The following TTBK2 variants were observed in gnomAD, a reference collection of about 807,000 sequenced individuals.
TTBK2 encodes the protein tau tubulin kinase 2.
Under a neutral mutation model 110.8 loss-of-function variants are expected in TTBK2, and 28 were observed. The ratio of observed to expected loss-of-function variants is 0.25; its 90% CI spans 0.19 to 0.35. The LOEUF (loss-of-function observed/expected upper bound fraction) is 0.35, where lower values mean the gene tolerates loss of function less well. TTBK2 is among the 10% of genes least tolerant of loss of function. The pLI is 1.00. For synonymous variants in TTBK2, 532 were observed against 527.3 expected (o/e 1.01, Z -0.12); for missense variants, 1,369 against 1,500.3 (o/e 0.91, Z 1.45).
chr15:42,834,634 C>A lies in TTBK2; in HGVS notation c.292-4556G>T, dbSNP rs144497479. Among the ~76,000 whole-genome samples, 180 of 152,238 alleles carry A rather than the reference C, an allele frequency of 1.2e-3. 1 individual carries two copies. Among genetic ancestry groups the A allele is most frequent in the African/African-American group, 4.2e-3 (176 of 41,550 alleles). ...TGAGACAATTTGAATATTAAAAAAA[C>A]CGTAGGCCAGGTACCTGTAATCCTA... On this transcript the variant is annotated intron_variant, in intron 4 of 14. Coordinates refer to ENST00000267890, the MANE Select transcript of TTBK2 (RefSeq NM_173500.4).
At chr15:42,811,641 A>G in intron 8 of TTBK2, 47 bp downstream of exon 8, 7 of 1,522,236 alleles carry the variant, frequency 4.6e-6, no homozygotes, top group Non-Finnish European at 6.4e-6. Flanking sequence ...TTCAGCAGAA[A>G]TTTTTATTTC....
chr15:42,868,121 G>A (rs943328759), intron 3 of TTBK2, among the ~76,000 whole-genome samples: 1 of 152,136 alleles, frequency 6.6e-6, no homozygotes, highest in African/African-American at 2.4e-5. Flanking sequence ...GAGTTTAGGA[G>A]GCAGGGAAAC....
At chr15:42,837,303 AGCTGAGATCACGCCACT>A (rs1239303759) in intron 4 of TTBK2, among the ~76,000 whole-genome samples, 2 of 149,612 alleles carry the variant, frequency 1.3e-5, no homozygotes, top group Non-Finnish European at 3.0e-5. Context: ...GGTTGCAGTG[AGCTGAGATCACGCCACT>A]GCACTCCAGC....
intron 3 of TTBK2, among the ~76,000 whole-genome samples, chr15:42,843,615 C>T (rs987678784): frequency 2.6e-5 from 4 of 151,816 alleles, no homozygotes; most frequent in Admixed American, 6.6e-5. Context: ...AAAAATCAGC[C>T]GGGCATGGTA....
rs1316658591 is a variant in TTBK2 at position 42,742,922 on chromosome 15, C to G, written c.*2873G>C. On this transcript the variant is annotated 3_prime_UTR_variant, in exon 15 of 15. Coordinates refer to ENST00000267890, the MANE Select transcript of TTBK2 (RefSeq NM_173500.4). ...CAACCAAACCAAATCAAACCAAAAA[C>G]CTCATTCTCTGTATCATACTTTAAA... 1 of 151,970 alleles carries G rather than the reference C, an allele frequency of 6.6e-6. No homozygotes were observed. Among genetic ancestry groups the G allele is most frequent in the Non-Finnish European group, 1.5e-5 (1 of 67,998 alleles). The allele number at this position is 151,970 out of a possible 1,614,324, so 9.4% of individuals were successfully genotyped here. A position where few individuals can be genotyped will look rare whatever the true frequency, so the allele number is the denominator to read the frequency against.
intron 1 of TTBK2, among the ~76,000 whole-genome samples, chr15:42,901,474 G>A (rs1452758366): frequency 6.6e-6 from 1 of 151,750 alleles, no homozygotes; most frequent in African/African-American, 2.4e-5. Flanking sequence ...AAATAAATTT[G>A]GACTTCATCA....
At position 42,860,640 on chromosome 15, in the gene TTBK2, CTTTTTTT is replaced by C. The variant is rs796405914; in HGVS notation, c.217+11964_217+11970del. On this transcript the variant is annotated intron_variant, in intron 3 of 14. Coordinates refer to ENST00000267890, the MANE Select transcript of TTBK2 (RefSeq NM_173500.4). ...TTAAACCTTAGCTGGGGTATTCTTT[CTTTTTTT>C]TTTTTTTTTTTTTTGAGATGGCATT... Among the ~76,000 whole-genome samples, 5 of 102,110 alleles carry C rather than the reference CTTTTTTT, an allele frequency of 4.9e-5. No individual in the cohort carries two copies. The East Asian group carries it at 1.2e-3, about 24-fold the overall frequency. The allele number at this position is 102,110 out of a possible 152,430, so 67.0% of individuals were successfully genotyped here. A position where few individuals can be genotyped will look rare whatever the true frequency, so the allele number is the denominator to read the frequency against.
chr15:42,852,436 G>A (rs1893757042), intron 3 of TTBK2, among the ~76,000 whole-genome samples: 1 of 152,242 alleles, frequency 6.6e-6, no homozygotes, highest in Admixed American at 6.5e-5. Context: ...AATACAATGG[G>A]TATAAAGGGA....
At chr15:42,876,248 AT>A (rs971011292) in intron 2 of TTBK2, among the ~76,000 whole-genome samples, 146 of 149,800 alleles carry the variant, frequency 9.7e-4, no homozygotes, top group African/African-American at 2.7e-3. Flanking sequence ...TGAGCTTGTC[AT>A]TTTTTTTTTA....
chr15:42,901,433 T>C (rs2030002431), intron 1 of TTBK2, among the ~76,000 whole-genome samples: 1 of 151,912 alleles, frequency 6.6e-6, no homozygotes, highest in Non-Finnish European at 1.5e-5. Context: ...AATAATTTCT[T>C]GGATATAATA....
rs1727419595 is a variant in TTBK2, at chr15:42,740,363, T to C, written c.*5432A>G. 6.6e-6 allele frequency: 1 copy of C among 152,242 alleles called. No individual in the cohort carries two copies. Among genetic ancestry groups the C allele is most frequent in the Admixed American group, 6.5e-5 (1 of 15,286 alleles). 9.4% of individuals were successfully genotyped at this position (152,242 alleles called of 1,614,324 possible). On this transcript the variant is annotated 3_prime_UTR_variant, in exon 15 of 15. Coordinates refer to ENST00000267890, the MANE Select transcript of TTBK2 (RefSeq NM_173500.4). ...TTACTGTGTAATGTTACTTTTTTGC[T>C]ATTCAGTGTCTTGAGATTGTGTGGA...
At chr15:42,751,859 GA>G (rs2061869883) in intron 14 of TTBK2, 114 bp downstream of exon 14, 2 of 1,325,340 alleles carry the variant, frequency 1.5e-6, no homozygotes, top group African/African-American at 2.9e-5. Flanking sequence ...GGAAAGGCAG[GA>G]AAGAAAGATA....
At chr15:42,840,519 A>G in intron 3 of TTBK2, 86 bp from the exon 4 acceptor site, 1 of 1,165,458 alleles carries the variant, frequency 8.6e-7, no homozygotes, top group East Asian at 2.4e-5. Context: ...ATAGTGTTTT[A>G]TGATTGAATA....
chr15:42,789,402 C>T (rs34015644), intron 10 of TTBK2, among the ~76,000 whole-genome samples: 2,242 of 152,104 alleles, frequency 0.015, 39 homozygotes, highest in Non-Finnish European at 0.021. Flanking sequence ...TTTAGTTCCA[C>T]CTATGCTGTG....
chr15:42,884,901 C>T (rs1895183846), intron 1 of TTBK2, among the ~76,000 whole-genome samples: 1 of 151,730 alleles, frequency 6.6e-6, no homozygotes, highest in Admixed American at 6.6e-5. Context: ...TGATTTGTTT[C>T]CCCCCACCCT....
intron 1 of TTBK2, among the ~76,000 whole-genome samples, chr15:42,902,105 A>G (rs957763223): frequency 6.6e-6 from 1 of 151,770 alleles, no homozygotes; most frequent in African/African-American, 2.4e-5. Context: ...AGTCCCAGCT[A>G]CTAGGGAGGC....
rs1456544210 is a variant in TTBK2, at chr15:42,775,190, A to G, written c.1943T>C (p.Ile648Thr). ...CATTAGACTTGTGGGCGTCGCTGCA[A>G]TAAACTGACTAGCAGCTCCAGGCTG... ...ELQPGAASQFIAATPTSLMEA... is the reference protein window; with the variant it reads ...ELQPGAASQFTAATPTSLMEA... The change falls in exon 13 of 15, where the codon ATT (isoleucine) becomes ACT (threonine). Residue 648 changes from isoleucine to threonine, a missense_variant. This residue lies in a region of TTBK2 where 1,097 missense variants were observed against 1,114.7 expected (regional missense o/e 0.98). Coordinates refer to ENST00000267890, the MANE Select transcript of TTBK2 (RefSeq NM_173500.4). 6.2e-7 allele frequency: 1 copy of G among 1,614,214 alleles called. No homozygotes were observed. The highest frequency in any genetic ancestry group is 1.7e-5 in the Admixed American group (1 of 60,034).
In TTBK2 at chr15:42,775,320, C is replaced by T; in HGVS notation, c.1813G>A (p.Glu605Lys). ...DEKLQLGPWAENDHLKKETSG... is the reference protein window; with the variant it reads ...DEKLQLGPWAKNDHLKKETSG... ...GTTTCCTTCTTTAAATGATCATTTT[C>T]TGCCCAAGGACCTAACTGGAGCTTT... The change falls in exon 13 of 15, where the codon GAA (glutamate) becomes AAA (lysine). Residue 605 changes from glutamate to lysine, a missense_variant. Coordinates refer to ENST00000267890, the MANE Select transcript of TTBK2 (RefSeq NM_173500.4). 1 of 1,614,200 alleles carries T rather than the reference C, an allele frequency of 6.2e-7. No homozygotes were observed. Among genetic ancestry groups the T allele is most frequent in the South Asian group, 1.1e-5 (1 of 91,080 alleles).
intron 13 of TTBK2, among the ~76,000 whole-genome samples, chr15:42,762,647 G>C (rs979065572): frequency 6.6e-6 from 1 of 152,166 alleles, no homozygotes; most frequent in Non-Finnish European, 1.5e-5. Flanking sequence ...AACCCGGGAG[G>C]TGGTGGCTGC....
Sources: allele counts gnomAD v4.1 joint callset (sites outside exome capture counted in the v4.1 genomes callset), GRCh38; gene constraint gnomAD v4.1.1; regional missense constraint gnomAD v4.1.1; transcripts MANE v1.5; gene names NCBI Gene and HGNC (gene_info 2026-07-23, HGNC 2026-07-21).